TBC1D22B: variants seen among roughly 807,000 people sequenced by gnomAD.
TBC1D22B encodes the protein chromosome 6 open reading frame 197.
In TBC1D22B, 32 loss-of-function variants were observed where a neutral mutation model predicts 69.1. That is an observed-to-expected ratio of 0.46 (90% CI 0.35 to 0.62). The LOEUF (loss-of-function observed/expected upper bound fraction) is 0.62. Among genes scored for constraint, TBC1D22B ranks in the 20% least tolerant of loss-of-function variants. TBC1D22B has a pLI of 0.00. For synonymous variants in TBC1D22B, 206 were observed against 229.8 expected, an observed-to-expected ratio of 0.90 and a Z score of 0.94; for missense variants, 462 against 630.9, an observed-to-expected ratio of 0.73 and a Z score of 2.87.
intron 8 of TBC1D22B, among the ~76,000 whole-genome samples, chr6:37,298,319 G>A (rs1767452252): frequency 6.6e-6 from 1 of 152,062 alleles, no homozygotes; most frequent in African/African-American, 2.4e-5. Context: ...GGATGGAGCT[G>A]CATACATTGT....
At position 37,313,850 on chromosome 6, in the gene TBC1D22B, A is replaced by C; in HGVS notation, c.1124A>C (p.Lys375Thr). ...ACCTTTGCACAACCAGGAATCCAGA[A>C]GAAGGTGAAGGCACTGGAAGAGCTT... ...NYTFAQPGIQ[K>T]KVKALEELVS... The change falls in exon 10 of 13, where the codon AAG (lysine) becomes ACG (threonine). Residue 375 changes from lysine (K) to threonine (T), a missense_variant. Physicochemically the swap from Lys to Thr is moderately conservative, Grantham distance 78. Around this residue, in one of 2 missense-constraint regions of TBC1D22B, gnomAD observed 225 missense variants for 375.4 expected, o/e 0.60. Coordinates refer to ENST00000373491, the MANE Select transcript of TBC1D22B (RefSeq NM_017772.4). 6.2e-7 allele frequency: 1 copy of C among 1,614,204 alleles called. No homozygotes were observed. Among genetic ancestry groups the C allele is most frequent in the Non-Finnish European group, 8.5e-7 (1 of 1,180,022 alleles).
At chr6:37,304,326 G>A (rs1358896603) in intron 8 of TBC1D22B, among the ~76,000 whole-genome samples, 2 of 152,134 alleles carry the variant, frequency 1.3e-5, no homozygotes, top group Non-Finnish European at 2.9e-5. Flanking sequence ...AAGGCTTATA[G>A]CCCCAAAAGA....
intron 3 of TBC1D22B, among the ~76,000 whole-genome samples, chr6:37,281,086 C>T (rs974528552): frequency 6.6e-6 from 1 of 152,268 alleles, no homozygotes; most frequent in East Asian, 1.9e-4. Context: ...AAGGCCCAGC[C>T]GTGTAAAGAA....
chr6:37,316,662 C>T (rs1385931373), intron 10 of TBC1D22B, 41 bp from the exon 11 acceptor site: 2 of 1,612,678 alleles, frequency 1.2e-6, no homozygotes, highest in Non-Finnish European at 1.7e-6. Context: ...TTTCAGGGTC[C>T]AGTCCCCTAG....
intron 8 of TBC1D22B, among the ~76,000 whole-genome samples, chr6:37,305,695 T>C (rs1767693691): frequency 6.6e-6 from 1 of 152,126 alleles, no homozygotes; most frequent in Admixed American, 6.5e-5. Flanking sequence ...TATTTTTTTG[T>C]ATTTTTAGTA....
chr6:37,258,385 C>G (rs1302212026), intron 1 of TBC1D22B, among the ~76,000 whole-genome samples: 1 of 152,178 alleles, frequency 6.6e-6, no homozygotes, highest in African/African-American at 2.4e-5. Flanking sequence ...GGCCCCTTCC[C>G]TTGATCCCTG....
chr6:37,268,515 C>A (rs1295640042), intron 1 of TBC1D22B, among the ~76,000 whole-genome samples: 2 of 152,146 alleles, frequency 1.3e-5, no homozygotes, highest in Non-Finnish European at 2.9e-5. Context: ...AGTTGTGAGC[C>A]ATCCCATCAG....
intron 10 of TBC1D22B, among the ~76,000 whole-genome samples, chr6:37,315,144 C>T (rs890721351): frequency 6.6e-6 from 1 of 152,166 alleles, no homozygotes; most frequent in Admixed American, 6.5e-5. Flanking sequence ...CCACTGTCTG[C>T]CCTATCCTTA....
rs190453477 is a variant in TBC1D22B, at chr6:37,258,060, C to T, written c.56+87C>T. The T allele has an allele frequency of 1.1e-5, 16 of 1,469,564 alleles. No homozygotes were observed. The East Asian group carries it at 3.9e-4, about 36-fold the overall frequency. 91.0% of individuals were successfully genotyped at this position (1,469,564 alleles called of 1,614,324 possible). The stretch of plus-strand genomic sequence containing the variant: ...TGAATCCCGCGGGCCTGGGGCGCCA[C>T]AGAGGCCAGAAGACTGGTTTGGGGA... On this transcript the variant is annotated intron_variant, in intron 1 of 12. Transcript: ENST00000373491.
rs952163626 is a variant in TBC1D22B, at chr6:37,316,638, G to A, written c.1166-65G>A. The A allele has an allele frequency of 8.1e-6, 13 of 1,598,290 alleles. 1 individual carries two copies. In the African/African-American group the frequency reaches 1.7e-4, roughly 21 times the overall value. The stretch of plus-strand genomic sequence containing the variant: ...AGTAAGAAGTGGGAGCTGCTATTTT[G>A]GCTCCTGTGGCCCTTTCAGGGTCCA... On this transcript the variant is annotated intron_variant, in intron 10 of 12. Transcript: ENST00000373491.
chr6:37,264,801 A>G (rs1766220679), intron 1 of TBC1D22B, among the ~76,000 whole-genome samples: 1 of 152,212 alleles, frequency 6.6e-6, no homozygotes, highest in African/African-American at 2.4e-5. Context: ...TAGAAAATAG[A>G]AAAGCATTCC....
Position 37,330,222 on chromosome 6 carries a change from C to CTTTTTTTTTT in TBC1D22B, c.1390-796_1390-787dup, listed in dbSNP as rs67372032. 8.5e-4 allele frequency among the ~76,000 whole-genome samples: 64 copies of CTTTTTTTTTT among 75,566 alleles called. 5 individuals are homozygous for CTTTTTTTTTT. The highest frequency in any genetic ancestry group is 1.0e-3 in the Admixed American group (6 of 5,866). 49.6% of individuals were successfully genotyped at this position (75,566 alleles called of 152,430 possible). A position where few individuals can be genotyped will look rare whatever the true frequency, so the allele number is the denominator to read the frequency against. On this transcript the variant is annotated intron_variant, in intron 12 of 12. Transcript: ENST00000373491. Reference sequence around the variant, plus strand: ...GATGTTATAAATATTTTGTCCGTTTCTTTTTTTTTTTTTTTTTTTTTTTTT... The same window carrying CTTTTTTTTTT: ...GATGTTATAAATATTTTGTCCGTTTCTTTTTTTTTTTTTTTTTTTTTTTTTTTTTTTTTTT...
At chr6:37,267,512 A>T (rs1009978649) in intron 1 of TBC1D22B, among the ~76,000 whole-genome samples, 3 of 136,594 alleles carry the variant, frequency 2.2e-5, no homozygotes, top group African/African-American at 8.8e-5. Context: ...CTATATATAT[A>T]ATATATATAT....
intron 1 of TBC1D22B, among the ~76,000 whole-genome samples, chr6:37,267,735 C>T (rs1766354185): frequency 6.6e-6 from 1 of 151,662 alleles, no homozygotes; most frequent in South Asian, 2.1e-4. Context: ...TTCCCACCTG[C>T]TTCTAGTTGA....
intron 10 of TBC1D22B, among the ~76,000 whole-genome samples, chr6:37,314,548 C>T (rs975134779): frequency 2.8e-4 from 43 of 152,138 alleles, no homozygotes; most frequent in African/African-American, 9.9e-4. Flanking sequence ...GGCCTAGAGT[C>T]ATAGAATGTT....
intron 2 of TBC1D22B, among the ~76,000 whole-genome samples, chr6:37,271,496 A>G (rs1358245580): frequency 6.6e-6 from 1 of 152,146 alleles, no homozygotes; most frequent in East Asian, 1.9e-4. Flanking sequence ...GGATGTTCAT[A>G]ATGGAGAGGC....
At chr6:37,304,477 A>G (rs1358892100) in intron 8 of TBC1D22B, among the ~76,000 whole-genome samples, 2 of 152,256 alleles carry the variant, frequency 1.3e-5, no homozygotes, top group Admixed American at 6.5e-5. Flanking sequence ...GTACAGCAAC[A>G]TGGAAGAGTC....
At chr6:37,275,780 A>C (rs1390477380) in intron 2 of TBC1D22B, among the ~76,000 whole-genome samples, 1 of 152,076 alleles carries the variant, frequency 6.6e-6, no homozygotes, top group Non-Finnish European at 1.5e-5. Flanking sequence ...ATTTATATGT[A>C]TTTATTTGTG....
At chr6:37,312,273 G>A (rs913122134) in intron 8 of TBC1D22B, among the ~76,000 whole-genome samples, 13 of 152,134 alleles carry the variant, frequency 8.5e-5, no homozygotes, top group African/African-American at 3.1e-4. Flanking sequence ...TTTGTCTGTG[G>A]AACCCCCCCT....
Sources: allele counts gnomAD v4.1 joint callset (sites outside exome capture counted in the v4.1 genomes callset), GRCh38; gene constraint gnomAD v4.1.1; regional missense constraint gnomAD v4.1.1; transcripts MANE v1.5; gene names NCBI Gene and HGNC (gene_info 2026-07-23, HGNC 2026-07-21).